CDKL1: variants seen among roughly 807,000 people sequenced by gnomAD.
The protein encoded by CDKL1 is cyclin dependent kinase like 1.
In CDKL1, 41 loss-of-function variants were observed where a neutral mutation model predicts 42.0. That is an observed-to-expected ratio of 0.98 (90% CI 0.76 to 1.27). The LOEUF (loss-of-function observed/expected upper bound fraction) is 1.27. CDKL1 is among the 50% of genes most tolerant of loss of function. The pLI is 0.00. For missense variants in CDKL1, 394 were observed against 428.4 expected (o/e 0.92, Z 0.71); for synonymous variants, 153 against 158.6 (o/e 0.96, Z 0.26).
At chr14:50,378,790 G>A (rs1022619726) in intron 2 of CDKL1, among the ~76,000 whole-genome samples, 2 of 151,658 alleles carry the variant, frequency 1.3e-5, no homozygotes, top group African/African-American at 4.8e-5. Flanking sequence ...TGCCACCTCC[G>A]CATCCCAAAG....
At chr14:50,343,140 C>T (rs2033609002) in intron 4 of CDKL1, 7 of 664,182 alleles carry the variant, frequency 1.1e-5, no homozygotes, top group Non-Finnish European at 1.5e-5. Flanking sequence ...AAATCAACAA[C>T]CTAATTAAGA....
chr14:50,384,661 G>T (rs2035018120), intron 2 of CDKL1, among the ~76,000 whole-genome samples: 1 of 149,866 alleles, frequency 6.7e-6, no homozygotes, highest in Non-Finnish European at 1.5e-5. Context: ...AGGGGTGGGG[G>T]CAGAGGGGAA....
intron 2 of CDKL1, among the ~76,000 whole-genome samples, chr14:50,375,959 CAG>C (rs1034264957): frequency 6.6e-6 from 1 of 152,068 alleles, no homozygotes; most frequent in African/African-American, 2.4e-5. Flanking sequence ...TGAAAACTGC[CAG>C]AGTCATCAAA....
At chr14:50,377,775 G>A (rs1430399613) in intron 2 of CDKL1, 1 of 1,143,088 alleles carries the variant, frequency 8.7e-7, no homozygotes, top group African/African-American at 1.6e-5. Flanking sequence ...ATTATGGGAA[G>A]TATTGAATAA....
At position 50,396,219 on chromosome 14, in the gene CDKL1, A is replaced by G; in HGVS notation, c.-351T>C. ...AAAAAAAAAAAAAAAAAAAAGAAAGAAAGAAAAGAAAAGAAAGGATCTTCA... is the reference window on the plus strand; with the variant it reads ...AAAAAAAAAAAAAAAAAAAAGAAAGGAAGAAAAGAAAAGAAAGGATCTTCA... On this transcript the variant is annotated 5_prime_UTR_variant, in exon 2 of 10. Transcript: ENST00000395834. 4.8e-6 allele frequency: 5 copies of G among 1,034,238 alleles called. No homozygotes were observed. The highest frequency in any genetic ancestry group is 5.8e-6 in the Non-Finnish European group (5 of 860,840). 64.1% of individuals were successfully genotyped at this position (1,034,238 alleles called of 1,614,324 possible).
intron 3 of CDKL1, among the ~76,000 whole-genome samples, chr14:50,346,377 G>GAAAAAGTCACTGTCGAGA (rs1448214425): frequency 2.0e-5 from 3 of 152,046 alleles, no homozygotes; most frequent in Admixed American, 6.5e-5. Context: ...ATAGATGCTA[G>GAAAAAGTCACTGTCGAGA]AAAAAGTCAC....
At chr14:50,356,341 C>T (rs186699243) in intron 3 of CDKL1, among the ~76,000 whole-genome samples, 69 of 152,230 alleles carry the variant, frequency 4.5e-4, no homozygotes, top group African/African-American at 1.6e-3. Context: ...AAGCAATTTG[C>T]CCAAGGTCAC....
chr14:50,332,711 A>G, intron 8 of CDKL1: 5 of 1,530,262 alleles, frequency 3.3e-6, no homozygotes, highest in Non-Finnish European at 3.5e-6. Flanking sequence ...GTAAGATATA[A>G]TTTTAGAGTT....
rs139686990 is a variant in CDKL1, at chr14:50,391,040, G to A, written c.168+4661C>T. On this transcript the variant is annotated intron_variant, in intron 2 of 9. Coordinates refer to ENST00000395834, the MANE Select transcript of CDKL1 (RefSeq NM_004196.7). ...TGTAGAGATGGGGTTTCACCACGTT[G>A]CCCCTGCTGGTCTTGAACTCATGGG... Among the ~76,000 whole-genome samples the A allele has an allele frequency of 1.2e-4, 18 of 152,200 alleles. No homozygotes were observed. In the East Asian group the frequency reaches 3.5e-3, roughly 29 times the overall value.
intron 2 of CDKL1, among the ~76,000 whole-genome samples, chr14:50,382,576 T>C (rs1490737336): frequency 3.9e-5 from 5 of 128,590 alleles, no homozygotes; most frequent in Non-Finnish European, 6.7e-5. Context: ...CTCCCTCCCT[T>C]CCTCCCTCTC....
chr14:50,335,610 A>C lies in CDKL1; in HGVS notation c.739-989T>G, dbSNP rs956149296. On this transcript the variant is annotated intron_variant, in intron 7 of 9. Transcript: ENST00000395834. Reference sequence around the variant, plus strand: ...GTCAGGCAGACAAACAGGCCAGTTAAAGAGACATACCACTGACAAAGGCTA... The same window carrying C: ...GTCAGGCAGACAAACAGGCCAGTTACAGAGACATACCACTGACAAAGGCTA... 2.0e-6 allele frequency: 3 copies of C among 1,534,022 alleles called. No individual in the cohort carries two copies. In the African/African-American group the frequency reaches 4.1e-5, roughly 21 times the overall value.
chr14:50,391,691 C>G (rs975233846), intron 2 of CDKL1, among the ~76,000 whole-genome samples: 1 of 152,114 alleles, frequency 6.6e-6, no homozygotes, highest in Admixed American at 6.5e-5. Context: ...CCTAAATTGT[C>G]TTTTTTTATG....
intron 4 of CDKL1, chr14:50,343,036 C>G (rs1245213716): frequency 1.5e-6 from 2 of 1,349,744 alleles, no homozygotes; most frequent in Admixed American, 4.0e-5. Context: ...CAGCCCACAG[C>G]CAACATTCTT....
chr14:50,345,859 A>G (rs541717556), intron 3 of CDKL1, among the ~76,000 whole-genome samples: 1 of 152,268 alleles, frequency 6.6e-6, no homozygotes, highest in East Asian at 1.9e-4. Flanking sequence ...CACATCTTTT[A>G]TTACCAGGGC....
intron 3 of CDKL1, chr14:50,357,053 C>G (rs1034190339): frequency 6.6e-6 from 1 of 152,166 alleles, no homozygotes; most frequent in Non-Finnish European, 1.5e-5. Flanking sequence ...CCTCTGGTAC[C>G]ACATAGCCAT....
At chr14:50,369,552 T>A (rs539671069) in intron 2 of CDKL1, among the ~76,000 whole-genome samples, 53 of 149,092 alleles carry the variant, frequency 3.6e-4, no homozygotes, top group Admixed American at 6.1e-4. Context: ...TTATTGTAAA[T>A]ATACAATTTA....
intron 2 of CDKL1, among the ~76,000 whole-genome samples, chr14:50,371,770 G>A (rs535984410): frequency 4.9e-4 from 74 of 152,330 alleles, no homozygotes; most frequent in African/African-American, 1.7e-3. Flanking sequence ...CTGCAGACCC[G>A]GGCATGTCTG....
At chr14:50,344,847 G>A in intron 4 of CDKL1, 139 bp downstream of exon 4, 4 of 627,438 alleles carry the variant, frequency 6.4e-6, no homozygotes, top group Non-Finnish European at 2.8e-6. Flanking sequence ...GGCATTTTTA[G>A]CCTATACTTA....
In CDKL1 at chr14:50,341,217, T is replaced by C. The variant is rs1566578413; in HGVS notation, c.470A>G (p.Tyr157Cys). The C allele has an allele frequency of 1.2e-6, 2 of 1,605,980 alleles. No individual in the cohort carries two copies. Among genetic ancestry groups the C allele is most frequent in the East Asian group, 2.2e-5 (1 of 44,664 alleles). Residue 157 changes from tyrosine (Y) to cysteine (C), a missense_variant, in exon 6 of 10, where the codon TAC becomes TGC. Transcript: ENST00000395834. ...FARLLTGPSD[Y>C]YTDYVATRWY... ...CCTGGTAGCCACGTAGTCTGTATAG[T>C]AGTCACTCGGTCCAGCTAGCCAGTG...
Sources: allele counts gnomAD v4.1 joint callset (sites outside exome capture counted in the v4.1 genomes callset), GRCh38; gene constraint gnomAD v4.1.1; transcripts MANE v1.5; gene names NCBI Gene and HGNC (gene_info 2026-07-23, HGNC 2026-07-21).